Variants in PRKCB observed in about 807,000 individuals in gnomAD.
PRKCB encodes protein kinase C beta type.
Under a neutral mutation model 81.5 loss-of-function variants are expected in PRKCB, and 13 were observed. That is an observed-to-expected ratio of 0.16 (90% CI 0.10 to 0.25). PRKCB has a LOEUF of 0.25. PRKCB is among the 10% of genes least tolerant of loss of function. The pLI is 1.00. For synonymous variants in PRKCB, 335 were observed against 321.4 expected (o/e 1.04, Z -0.45); for missense variants, 509 against 875.7 (o/e 0.58, Z 5.29).
At chr16:23,923,587 AG>A (rs1963856334) in intron 2 of PRKCB, among the ~76,000 whole-genome samples, 1 of 152,126 alleles carries the variant, frequency 6.6e-6, no homozygotes, top group East Asian at 1.9e-4. Flanking sequence ...TATTAAAATA[AG>A]GTTAATTGAA....
intron 9 of PRKCB, among the ~76,000 whole-genome samples, chr16:24,135,373 G>A (rs1283578328): frequency 6.8e-6 from 1 of 147,638 alleles, no homozygotes; most frequent in Non-Finnish European, 1.5e-5. Context: ...AGGCTGGAGT[G>A]CAGTGGGGTG....
chr16:24,002,739 G>A (rs1371325137), intron 3 of PRKCB, among the ~76,000 whole-genome samples: 2 of 152,136 alleles, frequency 1.3e-5, no homozygotes, highest in Admixed American at 6.5e-5. Context: ...GGGAAGAATA[G>A]CAAAGTCACA....
chr16:23,980,191 G>A (rs1240174013), intron 2 of PRKCB, among the ~76,000 whole-genome samples: 1 of 152,256 alleles, frequency 6.6e-6, no homozygotes, highest in African/African-American at 2.4e-5. Context: ...GCATGACCCT[G>A]TGAGTCACTC....
chr16:24,125,505 C>T (rs889173998), intron 9 of PRKCB, among the ~76,000 whole-genome samples: 10 of 152,222 alleles, frequency 6.6e-5, no homozygotes, highest in African/African-American at 2.2e-4. Flanking sequence ...TCAACTTAGA[C>T]GCCACTTCTT....
intron 3 of PRKCB, among the ~76,000 whole-genome samples, chr16:24,002,162 T>C (rs892404191): frequency 6.6e-6 from 1 of 152,124 alleles, no homozygotes; most frequent in Non-Finnish European, 1.5e-5. Context: ...AGAACAGCCT[T>C]GCTAGCATTG....
At chr16:23,872,900 C>T (rs1337145502) in intron 2 of PRKCB, among the ~76,000 whole-genome samples, 5 of 151,570 alleles carry the variant, frequency 3.3e-5, no homozygotes, top group African/African-American at 4.9e-5. Flanking sequence ...AGACTTGGCC[C>T]GGCGTGGTGT....
chr16:24,217,237 T>C lies in PRKCB; in HGVS notation c.*2421T>C. 1 of 985,388 alleles carries C rather than the reference T, an allele frequency of 1.0e-6. No homozygotes were observed. The allele number at this position is 985,388 out of a possible 1,614,324, so 61.0% of individuals were successfully genotyped here. On this transcript the variant is annotated 3_prime_UTR_variant, in exon 17 of 17. Transcript: ENST00000643927. Reference sequence around the variant, plus strand: ...ATTTTCCAAATTCTTGCCATTATTTTTCAAAAGTTTAATAGTTTGCAGAAA... The same window carrying C: ...ATTTTCCAAATTCTTGCCATTATTTCTCAAAAGTTTAATAGTTTGCAGAAA...
At chr16:24,211,760 A>G (rs2141993797) in intron 16 of PRKCB, among the ~76,000 whole-genome samples, 1 of 152,110 alleles carries the variant, frequency 6.6e-6, no homozygotes, top group South Asian at 2.1e-4. Context: ...GGATTTCACC[A>G]TGTTGGCCAG....
At chr16:24,136,429 A>G (rs1966865004) in intron 9 of PRKCB, among the ~76,000 whole-genome samples, 1 of 152,212 alleles carries the variant, frequency 6.6e-6, no homozygotes, top group Non-Finnish European at 1.5e-5. Flanking sequence ...CCCAGAGGCA[A>G]GAAGTGCCAC....
chr16:24,019,628 G>T (rs879530215), intron 3 of PRKCB, among the ~76,000 whole-genome samples: 1 of 152,062 alleles, frequency 6.6e-6, no homozygotes, highest in African/African-American at 2.4e-5. Context: ...GCTAGGCATG[G>T]TAGCGTGCAC....
chr16:24,058,649 C>T (rs189061869), intron 5 of PRKCB, among the ~76,000 whole-genome samples: 16 of 152,204 alleles, frequency 1.1e-4, no homozygotes, highest in African/African-American at 3.9e-4. Flanking sequence ...AGTGTAACCA[C>T]ATGAGAGAAG....
At chr16:23,903,337 G>T (rs995687216) in intron 2 of PRKCB, among the ~76,000 whole-genome samples, 8 of 151,808 alleles carry the variant, frequency 5.3e-5, no homozygotes, top group Admixed American at 5.3e-4. Context: ...TTCTGTCCTA[G>T]TTTTTTCTAA....
At position 23,982,394 on chromosome 16, in the gene PRKCB, G is replaced by A. The variant is rs7201438; in HGVS notation, c.206-6114G>A. 9.1e-3 allele frequency among the ~76,000 whole-genome samples: 974 copies of A among 107,582 alleles called. 8 individuals are homozygous for A. The highest frequency in any genetic ancestry group is 0.031 in the African/African-American group (868 of 27,682). 70.6% of individuals were successfully genotyped at this position (107,582 alleles called of 152,430 possible). On this transcript the variant is annotated intron_variant, in intron 2 of 16. Transcript: ENST00000643927. ...TTCCCTTGCCTTTCCCTTCCCCTTC[G>A]CTTCTGCTTCCCTTCCCCTTCTCTT...
At chr16:24,047,773 T>C (rs1055686027) in intron 5 of PRKCB, among the ~76,000 whole-genome samples, 3 of 152,224 alleles carry the variant, frequency 2.0e-5, no homozygotes, top group Non-Finnish European at 4.4e-5. Context: ...TATCTTTCAG[T>C]GGCTTTAGGG....
At chr16:23,869,351 G>A (rs1440762090) in intron 2 of PRKCB, 2 of 281,436 alleles carry the variant, frequency 7.1e-6, no homozygotes, top group Non-Finnish European at 1.4e-5. Flanking sequence ...CACGTAGCAC[G>A]AGTAAGAGCT....
At chr16:23,953,317 A>G (rs1192958101) in intron 2 of PRKCB, among the ~76,000 whole-genome samples, 1 of 152,114 alleles carries the variant, frequency 6.6e-6, no homozygotes, top group African/African-American at 2.4e-5. Flanking sequence ...AACCATCAAC[A>G]ATTTCCAGCT....
chr16:24,174,138 T>G, intron 11 of PRKCB: 1 of 174,530 alleles, frequency 5.7e-6, no homozygotes, highest in Non-Finnish European at 1.2e-5. Flanking sequence ...GCCTTCCGAG[T>G]AGCTGGGATC....
At chr16:24,035,668 G>C in intron 5 of PRKCB, 121 bp downstream of exon 5, 1 of 1,087,564 alleles carries the variant, frequency 9.2e-7, no homozygotes, top group Non-Finnish European at 1.3e-6. Context: ...GGGACGGGGA[G>C]GGGGTGTGGC....
chr16:23,900,324 G>A (rs1229548598), intron 2 of PRKCB, among the ~76,000 whole-genome samples: 1 of 152,192 alleles, frequency 6.6e-6, no homozygotes, highest in African/African-American at 2.4e-5. Context: ...GTTTGTACAT[G>A]TGTGTGCATG....
Sources: allele counts gnomAD v4.1 joint callset (sites outside exome capture counted in the v4.1 genomes callset), GRCh38; gene constraint gnomAD v4.1.1; transcripts MANE v1.5; gene names NCBI Gene and HGNC (gene_info 2026-07-23, HGNC 2026-07-21).